The following ZHX3 variants were observed in gnomAD, a reference collection of about 807,000 sequenced individuals.
ZHX3 encodes the protein zinc fingers and homeoboxes protein 3.
ZHX3 carries 20 observed loss-of-function variants against 64.5 expected under a neutral mutation model. That is an observed-to-expected ratio of 0.31 (90% CI 0.22 to 0.45). The LOEUF (loss-of-function observed/expected upper bound fraction) is 0.45, where lower values mean the gene tolerates loss of function less well. Among genes scored for constraint, ZHX3 ranks in the 20% least tolerant of loss-of-function variants. ZHX3 has a pLI of 1.00. For synonymous variants in ZHX3, 423 were observed against 461.6 expected, an observed-to-expected ratio of 0.92 and a Z score of 1.07; for missense variants, 1,041 against 1,195.8, an observed-to-expected ratio of 0.87 and a Z score of 1.91.
intron 1 of ZHX3, among the ~76,000 whole-genome samples, chr20:41,278,348 GA>G (rs1217069251): frequency 1.5e-4 from 19 of 130,332 alleles, no homozygotes; most frequent in Non-Finnish European, 1.7e-4. Context: ...TGTCTTGAAG[GA>G]AAAAAAAAAA....
At chr20:41,300,475 A>C (rs1044753533) in intron 1 of ZHX3, among the ~76,000 whole-genome samples, 4 of 152,228 alleles carry the variant, frequency 2.6e-5, no homozygotes, top group Non-Finnish European at 5.9e-5. Context: ...CCTGAACTGG[A>C]GAAAGCAATC....
At chr20:41,302,149 A>G (rs1032978947) in intron 1 of ZHX3, among the ~76,000 whole-genome samples, 3 of 150,554 alleles carry the variant, frequency 2.0e-5, no homozygotes, top group African/African-American at 7.3e-5. Context: ...CAACTTCTTC[A>G]GAGCCCAGGT....
intron 1 of ZHX3, among the ~76,000 whole-genome samples, chr20:41,288,567 G>T (rs1000539227): frequency 6.6e-6 from 1 of 152,166 alleles, no homozygotes; most frequent in Non-Finnish European, 1.5e-5. Flanking sequence ...CAACACACTG[G>T]TGGTGCACAG....
chr20:41,282,166 G>A (rs1270671481), intron 1 of ZHX3, among the ~76,000 whole-genome samples: 1 of 152,118 alleles, frequency 6.6e-6, no homozygotes, highest in Non-Finnish European at 1.5e-5. Context: ...AAAATATTAA[G>A]TACCCTTTCA....
chr20:41,193,388 C>T (rs540258478), intron 3 of ZHX3, among the ~76,000 whole-genome samples: 1 of 152,180 alleles, frequency 6.6e-6, no homozygotes, highest in South Asian at 2.1e-4. Context: ...TAAATGTATT[C>T]CTAAGCACTT....
intron 2 of ZHX3, among the ~76,000 whole-genome samples, chr20:41,234,743 A>ACCACTCCTATT (rs2040851452): frequency 6.6e-6 from 1 of 152,204 alleles, no homozygotes; most frequent in Non-Finnish European, 1.5e-5. Flanking sequence ...CTCCAGTGTC[A>ACCACTCCTATT]CAAGAAAGTG....
chr20:41,287,346 T>C (rs955196477), intron 1 of ZHX3, among the ~76,000 whole-genome samples: 3 of 152,228 alleles, frequency 2.0e-5, no homozygotes, highest in Non-Finnish European at 4.4e-5. Context: ...TGTATTACCA[T>C]TTGACACATT....
chr20:41,239,686 C>G (rs980153552), intron 2 of ZHX3: 1 of 152,202 alleles, frequency 6.6e-6, no homozygotes, highest in African/African-American at 2.4e-5. Flanking sequence ...CAAACATTCC[C>G]TGTTTCCTAT....
At chr20:41,291,662 G>C (rs1038596620) in intron 1 of ZHX3, among the ~76,000 whole-genome samples, 1 of 151,738 alleles carries the variant, frequency 6.6e-6, no homozygotes, top group Non-Finnish European at 1.5e-5. Flanking sequence ...ACACGTGTTT[G>C]TGTATGCATA....
intron 2 of ZHX3, among the ~76,000 whole-genome samples, chr20:41,266,277 T>C (rs1402303964): frequency 6.6e-6 from 1 of 152,128 alleles, no homozygotes; most frequent in East Asian, 1.9e-4. Context: ...AAGCTGGAGT[T>C]AGTCAAGATG....
intron 2 of ZHX3, among the ~76,000 whole-genome samples, chr20:41,234,705 CT>C (rs757713381): frequency 3.3e-5 from 5 of 152,214 alleles, no homozygotes; most frequent in Non-Finnish European, 7.3e-5. Context: ...CCTTTGGTTA[CT>C]GGCTGCAAGC....
Position 41,233,627 on chromosome 20 carries a change from T to A in ZHX3, c.-150-28561A>T, listed in dbSNP as rs73907115. Reference sequence around the variant, plus strand: ...AGTGCAGTAGGGGAACATGGATAGATACGGGTGTAAATAGATCAGCTGAAG... The same window carrying A: ...AGTGCAGTAGGGGAACATGGATAGAAACGGGTGTAAATAGATCAGCTGAAG... On this transcript the variant is annotated intron_variant, in intron 2 of 3. Coordinates refer to ENST00000683867, the MANE Select transcript of ZHX3 (RefSeq NM_001384317.1). Among the ~76,000 whole-genome samples, 1,099 of 152,316 alleles carry A rather than the reference T, an allele frequency of 7.2e-3. 8 individuals are homozygous for A. Among genetic ancestry groups the A allele is most frequent in the African/African-American group, 0.025 (1,053 of 41,562 alleles).
rs1309526986 is a variant in ZHX3 at position 41,196,956 on chromosome 20, T to C, written c.2860+5101A>G. 3 of 168,608 alleles carry C rather than the reference T, an allele frequency of 1.8e-5. No individual in the cohort carries two copies. In the East Asian group the frequency reaches 4.4e-4, roughly 25 times the overall value. The allele number at this position is 168,608 out of a possible 1,614,324, so 10.4% of individuals were successfully genotyped here. ...CAGTGACCACTGAGTCTGATGTGAA[T>C]TAGATAGAAGACAACAATACACCTG... is the stretch of plus-strand genomic sequence containing the variant. On this transcript the variant is annotated intron_variant, in intron 3 of 3. Coordinates refer to ENST00000683867, the MANE Select transcript of ZHX3 (RefSeq NM_001384317.1).
At chr20:41,239,033 T>TGCAA (rs1216021239) in intron 2 of ZHX3, among the ~76,000 whole-genome samples, 1 of 141,394 alleles carries the variant, frequency 7.1e-6, no homozygotes, top group African/African-American at 2.6e-5. Flanking sequence ...GACGGAGTCT[T>TGCAA]GCTCTGTCGC....
intron 2 of ZHX3, among the ~76,000 whole-genome samples, chr20:41,259,893 C>T (rs1474948664): frequency 6.6e-6 from 1 of 152,108 alleles, no homozygotes; most frequent in Non-Finnish European, 1.5e-5. Flanking sequence ...AAACCCTCTT[C>T]ATAGGCAACA....
rs373637028 is a variant in ZHX3, at chr20:41,278,840, T to C, written c.-244-9757A>G. On this transcript the variant is annotated intron_variant, in intron 1 of 3. Transcript: ENST00000683867. ...CAGGCTGGAGTGCAGTGGCATGATC[T>C]GGGCTCACTGCAAGCTCTGCCTCCC... is the stretch of plus-strand genomic sequence containing the variant. Among the ~76,000 whole-genome samples the C allele has an allele frequency of 6.3e-4, 90 of 142,688 alleles. 17 individuals carry two copies. Among genetic ancestry groups the C allele is most frequent in the East Asian group, 6.0e-3 (28 of 4,692 alleles). The allele number at this position is 142,688 out of a possible 152,430, so 93.6% of individuals were successfully genotyped here.
At chr20:41,190,661 G>A (rs1221811515) in intron 3 of ZHX3, among the ~76,000 whole-genome samples, 1 of 152,088 alleles carries the variant, frequency 6.6e-6, no homozygotes, top group Non-Finnish European at 1.5e-5. Context: ...GTTTTACATA[G>A]TGTTAAATGT....
At chr20:41,235,954 A>C (rs1261589859) in intron 2 of ZHX3, among the ~76,000 whole-genome samples, 1 of 152,238 alleles carries the variant, frequency 6.6e-6, no homozygotes, top group Non-Finnish European at 1.5e-5. Context: ...TGCAAAAATC[A>C]CAAGCATTCC....
intron 2 of ZHX3, among the ~76,000 whole-genome samples, chr20:41,257,612 C>CTT (rs1223401714): frequency 1.2e-4 from 17 of 137,814 alleles, no homozygotes; most frequent in South Asian, 4.7e-4. Context: ...TCTTTTCTTT[C>CTT]TTTTTTTTTT....
Sources: gnomAD v4.1 joint callset for allele counts (sites outside exome capture counted in the v4.1 genomes callset) on GRCh38, gnomAD v4.1.1 for gene constraint, MANE v1.5 for transcripts, NCBI Gene and HGNC (gene_info 2026-07-23, HGNC 2026-07-21) for gene names.